Variants in VPS13B observed in about 807,000 individuals in gnomAD.
The protein encoded by VPS13B is vacuolar protein sorting 13 homolog B.
A neutral mutation model predicts 426.4 loss-of-function variants in VPS13B; 285 were observed. The observed-to-expected ratio is 0.67, with a 90% confidence interval of 0.61 to 0.74. The LOEUF (loss-of-function observed/expected upper bound fraction) is 0.74, where lower values mean the gene tolerates loss of function less well. VPS13B is among the 30% of genes least tolerant of loss of function. The pLI is 0.00. For missense variants in VPS13B, 4,537 were observed against 4,782.6 expected (o/e 0.95, Z 1.51); for synonymous variants, 1,676 against 1,676.4 (o/e 1.00, Z 0.01).
chr8:99,584,057 AAC>A (rs1005587875), intron 33 of VPS13B, among the ~76,000 whole-genome samples: 2 of 152,104 alleles, frequency 1.3e-5, no homozygotes, highest in African/African-American at 2.4e-5. Flanking sequence ...CCAGGCAATA[AAC>A]ACAGACTCCA....
chr8:99,523,514 CCAGACAGCTCAGCA>C (rs1405162728), intron 30 of VPS13B, among the ~76,000 whole-genome samples: 12 of 152,196 alleles, frequency 7.9e-5, no homozygotes, highest in African/African-American at 2.7e-4. Flanking sequence ...TTCCACAGCT[CCAGACAGCTCAGCA>C]CAGGCTGTGT....
intron 33 of VPS13B, among the ~76,000 whole-genome samples, chr8:99,604,099 A>G (rs1056084518): frequency 6.6e-6 from 1 of 152,212 alleles, no homozygotes; most frequent in African/African-American, 2.4e-5. Flanking sequence ...ACTTCTTGGC[A>G]GCCCAAAAAA....
intron 56 of VPS13B, among the ~76,000 whole-genome samples, chr8:99,854,522 A>G (rs1430111751): frequency 6.6e-6 from 1 of 152,230 alleles, no homozygotes; most frequent in Non-Finnish European, 1.5e-5. Flanking sequence ...AGATGAAAGT[A>G]CGTGAGGTAC....
At chr8:99,862,070 C>A in intron 58 of VPS13B, 124 bp downstream of exon 58, 1 of 1,213,606 alleles carries the variant, frequency 8.2e-7, no homozygotes, top group Non-Finnish European at 1.1e-6. Flanking sequence ...GAAGGTAAGG[C>A]ACTTGCTCTG....
At chr8:99,270,931 T>G (rs1481307651) in intron 17 of VPS13B, among the ~76,000 whole-genome samples, 1 of 152,174 alleles carries the variant, frequency 6.6e-6, no homozygotes, top group Non-Finnish European at 1.5e-5. Flanking sequence ...GCATCCTTTG[T>G]TATAAAGAAA....
chr8:99,236,843 G>C (rs971158969), intron 17 of VPS13B, among the ~76,000 whole-genome samples: 18 of 152,168 alleles, frequency 1.2e-4, no homozygotes. Flanking sequence ...ATAATGCTGT[G>C]GTAGTTATCT....
chr8:99,304,042 C>T (rs1447469214), intron 19 of VPS13B, among the ~76,000 whole-genome samples: 2 of 152,016 alleles, frequency 1.3e-5, no homozygotes, highest in African/African-American at 4.8e-5. Context: ...TATAAGCAGA[C>T]TGATTTTTGT....
chr8:99,753,662 G>A (rs565847388), intron 39 of VPS13B, among the ~76,000 whole-genome samples: 1 of 152,264 alleles, frequency 6.6e-6, no homozygotes, highest in South Asian at 2.1e-4. Context: ...AGATAACTGG[G>A]TCATATGTTA....
intron 33 of VPS13B, among the ~76,000 whole-genome samples, chr8:99,587,476 C>T (rs536692684): frequency 6.6e-6 from 1 of 151,838 alleles, no homozygotes; most frequent in African/African-American, 2.4e-5. Flanking sequence ...ACATCCTCCC[C>T]AGCACCTGTT....
intron 57 of VPS13B, among the ~76,000 whole-genome samples, 159 bp downstream of exon 57, chr8:99,859,639 T>C (rs550712968): frequency 6.6e-6 from 1 of 152,276 alleles, no homozygotes; most frequent in Non-Finnish European, 1.5e-5. Flanking sequence ...AGCTCATATA[T>C]AATGTCTTAT....
chr8:99,127,838 A>G (rs912807815), intron 8 of VPS13B, among the ~76,000 whole-genome samples: 28 of 152,168 alleles, frequency 1.8e-4, no homozygotes, highest in Non-Finnish European at 3.7e-4. Context: ...AAATTACTGT[A>G]TTTTAAAAGG....
intron 3 of VPS13B, among the ~76,000 whole-genome samples, chr8:99,077,179 AT>A (rs111282675): frequency 4.1e-5 from 6 of 146,300 alleles, no homozygotes; most frequent in Non-Finnish European, 6.0e-5. Context: ...CTGTTCTTTC[AT>A]TTTTTTTTTT....
At chr8:99,770,779 GT>G (rs1811448916) in intron 40 of VPS13B, among the ~76,000 whole-genome samples, 1 of 152,224 alleles carries the variant, frequency 6.6e-6, no homozygotes, top group Non-Finnish European at 1.5e-5. Context: ...AAAGTAGCTT[GT>G]TGGTGCAGTC....
chr8:99,818,862 T>C lies in VPS13B; in HGVS notation c.8595T>C (p.Leu2865=), dbSNP rs761233089. The C allele has an allele frequency of 3.7e-6, 6 of 1,613,234 alleles. No homozygotes were observed. The East Asian group carries it at 6.7e-5, about 18-fold the overall frequency. ...EKPLQNIEPD[L]VHHLTFQARE... Reference sequence around the variant, plus strand: ...CACTGCAAAACATAGAACCTGACCTTGTACATCACCTGACATTCCAAGCAA... The same window carrying C: ...CACTGCAAAACATAGAACCTGACCTCGTACATCACCTGACATTCCAAGCAA... The change falls in exon 47 of 62, where the codon CTT becomes CTC. Residue 2865 remains leucine (L), a synonymous_variant. Transcript: ENST00000357162.
Position 99,767,001 on chromosome 8 carries a change from T to G in VPS13B, c.7247+31T>G, listed in dbSNP as rs774153718. On this transcript the variant is annotated intron_variant, in intron 40 of 61. Coordinates refer to ENST00000357162, the MANE Select transcript of VPS13B (RefSeq NM_152564.5). ...TCATTGAAAGATGATATGGTAGCAT[T>G]ACACTGGGAAACAATGATAAGTCAT... 2.5e-6 allele frequency: 4 copies of G among 1,603,062 alleles called. No homozygotes were observed. In the South Asian group the frequency reaches 3.3e-5, roughly 13 times the overall value.
intron 40 of VPS13B, among the ~76,000 whole-genome samples, chr8:99,776,055 G>A (rs2130664610): frequency 6.6e-6 from 1 of 152,326 alleles, no homozygotes; most frequent in Admixed American, 6.5e-5. Context: ...GTGAGTGAGT[G>A]CTTAATAAAG....
chr8:99,792,440 G>T (rs1812587862), intron 43 of VPS13B, among the ~76,000 whole-genome samples: 1 of 138,436 alleles, frequency 7.2e-6, no homozygotes, highest in Non-Finnish European at 1.5e-5. Context: ...TTGATTTTTA[G>T]TTAAGAGAGA....
intron 36 of VPS13B, among the ~76,000 whole-genome samples, chr8:99,713,510 C>T (rs1832789890): frequency 6.6e-6 from 1 of 152,172 alleles, no homozygotes; most frequent in Non-Finnish European, 1.5e-5. Flanking sequence ...GACTAGAAAC[C>T]ACCCTGTGAT....
chr8:99,021,899 CCCTTATG>C (rs1232284517), intron 2 of VPS13B, among the ~76,000 whole-genome samples: 1 of 152,126 alleles, frequency 6.6e-6, no homozygotes, highest in Non-Finnish European at 1.5e-5. Context: ...AGGCGTGAGC[CCCTTATG>C]CCCAGGCTGG....
Sources: allele counts gnomAD v4.1 joint callset (sites outside exome capture counted in the v4.1 genomes callset), GRCh38; gene constraint gnomAD v4.1.1; transcripts MANE v1.5; gene names NCBI Gene and HGNC (gene_info 2026-07-23, HGNC 2026-07-21).